Variants in TMEM134 observed in about 807,000 individuals in gnomAD.
TMEM134 encodes transmembrane protein 134.
TMEM134 carries 36 observed loss-of-function variants against 26.2 expected under a neutral mutation model. The ratio of observed to expected loss-of-function variants is 1.37; its 90% confidence interval spans 1.05 to 1.81. TMEM134 has a LOEUF of 1.81. TMEM134 is among the 40% of genes most tolerant of loss of function. TMEM134 has a pLI of 0.00. For synonymous variants in TMEM134, 133 were observed against 113.6 expected (o/e 1.17, Z -1.08); for missense variants, 339 against 263.5 (o/e 1.29, Z -1.98).
rs1388956160 is a variant in TMEM134, at chr11:67,464,397, AC to A, written c.*216del. ...CTTTTATTAGCACAAAATAACAGCAACCTAGCAGCCGCACGGCCCGAGAATA... is the reference window on the plus strand; with the variant it reads ...CTTTTATTAGCACAAAATAACAGCAACTAGCAGCCGCACGGCCCGAGAATA... On this transcript the variant is annotated 3_prime_UTR_variant, in exon 7 of 7. Coordinates refer to ENST00000308022, the MANE Select transcript of TMEM134 (RefSeq NM_025124.4). 1 of 606,732 alleles carries A rather than the reference AC, an allele frequency of 1.6e-6. No homozygotes were observed. The highest frequency in any genetic ancestry group is 2.9e-6 in the Non-Finnish European group (1 of 339,672). 37.6% of individuals were successfully genotyped at this position (606,732 alleles called of 1,614,324 possible).
At position 67,467,537 on chromosome 11, in the gene TMEM134, CTG is replaced by C. The variant is rs1367699002; in HGVS notation, c.291_292del (p.Ile97MetfsTer137). The C allele has an allele frequency of 1.6e-5, 26 of 1,613,978 alleles. No homozygotes were observed. Among genetic ancestry groups the C allele is most frequent in the Non-Finnish European group, 3.4e-6 (4 of 1,180,044 alleles). On this transcript the variant is annotated frameshift_variant, in exon 3 of 7. Transcript: ENST00000308022. LOFTEE classifies it high-confidence loss of function. ...GTTGTAGGAGCGCTGGGTGCTGCTG[CTG>C]ATGGTGCTGAAGGACCACTGGGAGC...
At chr11:67,466,999 G>T in intron 4 of TMEM134, 1 of 432,208 alleles carries the variant, frequency 2.3e-6, no homozygotes, top group Non-Finnish European at 4.2e-6. Context: ...GCCCAGAGTA[G>T]ACACAGAATA....
chr11:67,468,237 G>A, intron 1 of TMEM134, 145 bp from the exon 2 acceptor site: 1 of 724,654 alleles, frequency 1.4e-6, no homozygotes, highest in South Asian at 1.7e-5. Flanking sequence ...CCCGCAGAAC[G>A]GGTTTGGTGA....
rs1057216834 is a variant in TMEM134, at chr11:67,469,037, C to G, written c.156G>C (p.Gln52His). The change falls in exon 1 of 7, where the codon CAG becomes CAC. Residue 52 changes from glutamine (Q) to histidine (H), a missense_variant. Coordinates refer to ENST00000308022, the MANE Select transcript of TMEM134 (RefSeq NM_025124.4). Reference protein sequence around the residue: ...ARFEVADEDKQSRLRYQNLEN... With the variant: ...ARFEVADEDKHSRLRYQNLEN... The stretch of plus-strand genomic sequence containing the variant: ...GGTTCACCTGGTAGCGCAGCCGGGA[C>G]TGCTTGTCCTCGTCAGCCACCTCGA... 18 of 1,512,834 alleles carry G rather than the reference C, an allele frequency of 1.2e-5. No homozygotes were observed. The highest frequency in any genetic ancestry group is 1.5e-5 in the Non-Finnish European group (17 of 1,132,172). 93.7% of individuals were successfully genotyped at this position (1,512,834 alleles called of 1,614,324 possible). A position where few individuals can be genotyped will look rare whatever the true frequency, so the allele number is the denominator to read the frequency against.
intron 4 of TMEM134, chr11:67,467,005 G>A: frequency 2.2e-6 from 1 of 451,190 alleles, no homozygotes; most frequent in East Asian, 4.4e-5. Context: ...AGTAGACACA[G>A]AATAAATGGT....
rs757962667 is a variant in TMEM134 at position 67,464,838 on chromosome 11, A to T, written c.470T>A (p.Phe157Tyr). 5 of 1,610,370 alleles carry T rather than the reference A, an allele frequency of 3.1e-6. No individual in the cohort carries two copies. In the African/African-American group the frequency reaches 5.3e-5, roughly 17 times the overall value. The change falls in exon 6 of 7, where the codon TTC (phenylalanine) becomes TAC (tyrosine). Residue 157 changes from phenylalanine to tyrosine, a missense_variant. Phe to Tyr is a conservative substitution (Grantham distance 22). Coordinates refer to ENST00000308022, the MANE Select transcript of TMEM134 (RefSeq NM_025124.4). The stretch of plus-strand genomic sequence containing the variant: ...CAACAACAGGAAGCCCGGCACGAAG[A>T]AGATGGCGCTGGAGACACCTGCGGG... ...TPSPGVSSAI[F>Y]FVPGFLLLVP... is the part of the protein sequence containing the mutation.
chr11:67,467,069 A>G (rs1865300505), intron 4 of TMEM134: 2 of 582,448 alleles, frequency 3.4e-6, no homozygotes, highest in Middle Eastern at 4.5e-4. Context: ...TTTTTTAAAA[A>G]AGGAAAAGTC....
intron 5 of TMEM134, 47 bp from the exon 6 acceptor site, chr11:67,464,903 C>T (rs918208440): frequency 3.1e-6 from 5 of 1,601,214 alleles, no homozygotes; most frequent in Non-Finnish European, 4.3e-6. Context: ...GCGGAGGCTT[C>T]GAGGCCTTCC....
At chr11:67,467,458 G>C (rs1865337161) in intron 3 of TMEM134, 43 bp downstream of exon 3, 1 of 1,611,766 alleles carries the variant, frequency 6.2e-7, no homozygotes, top group African/African-American at 1.3e-5. Flanking sequence ...TGTGGGGGTG[G>C]AGCCAGGGCT....
rs1363798742 is a variant in TMEM134 at position 67,467,395 on chromosome 11, G to A, written c.330-7C>T. 3 of 1,613,778 alleles carry A rather than the reference G, an allele frequency of 1.9e-6. No individual in the cohort carries two copies. Among genetic ancestry groups the A allele is most frequent in the East Asian group, 2.2e-5 (1 of 44,896 alleles). ...CAAAGGGTGTTGGGTCCAGCTGGGTGGCAGGAGAGCAGGGTGAATGTGAAG... is the reference window on the plus strand; with the variant it reads ...CAAAGGGTGTTGGGTCCAGCTGGGTAGCAGGAGAGCAGGGTGAATGTGAAG... On this transcript the variant is annotated splice_region_variant and splice_polypyrimidine_tract_variant and intron_variant, in intron 3 of 6. Transcript: ENST00000308022.
chr11:67,468,062 C>T lies in TMEM134; in HGVS notation c.205G>A (p.Ala69Thr). 1 of 1,564,248 alleles carries T rather than the reference C, an allele frequency of 6.4e-7. No individual in the cohort carries two copies. ...NLENDEDGAQ[A>T]SPEPDGGVGT... ...ACTCCCCCATCCGGCTCCGGAGAGG[C>T]CTGGGCTCCATCCTCATCGTTCTCC... The change falls in exon 2 of 7, where the codon GCC becomes ACC. Residue 69 changes from alanine to threonine, a missense_variant. Coordinates refer to ENST00000308022, the MANE Select transcript of TMEM134 (RefSeq NM_025124.4).
In TMEM134 at chr11:67,467,496, C is replaced by A. The variant is rs377288589; in HGVS notation, c.329+5G>T. ...TCGGCTGGGGGCTTAGGCGGGCAGG[C>A]TCACCTGCAGCAGGTGTTGTAGGAG... On this transcript the variant is annotated splice_donor_5th_base_variant and intron_variant, in intron 3 of 6. Coordinates refer to ENST00000308022, the MANE Select transcript of TMEM134 (RefSeq NM_025124.4). The A allele has an allele frequency of 1.5e-5, 25 of 1,613,732 alleles. No homozygotes were observed. Among genetic ancestry groups the A allele is most frequent in the Non-Finnish European group, 2.0e-5 (24 of 1,179,986 alleles).
intron 2 of TMEM134, 153 bp downstream of exon 2, chr11:67,467,875 G>A (rs1865373699): frequency 1.3e-6 from 1 of 768,082 alleles, no homozygotes; most frequent in Non-Finnish European, 2.1e-6. Context: ...ACCCTACAGT[G>A]TAGGAGACCC....
chr11:67,464,568 A>C lies in TMEM134; in HGVS notation c.*46T>G, dbSNP rs1865114709. ...TGAGATGAGGGGAACGGAACAGGGC[A>C]AGAGGGGCGCCCCCATGGGCGCAAG... On this transcript the variant is annotated 3_prime_UTR_variant, in exon 7 of 7. Coordinates refer to ENST00000308022, the MANE Select transcript of TMEM134 (RefSeq NM_025124.4). 6.5e-7 allele frequency: 1 copy of C among 1,539,656 alleles called. No individual in the cohort carries two copies. Among genetic ancestry groups the C allele is most frequent in the Non-Finnish European group, 8.8e-7 (1 of 1,136,302 alleles).
At position 67,463,389 on chromosome 11, in the gene TMEM134, G is replaced by C. The variant is rs1274841255; in HGVS notation, c.*1225C>G. 1 of 152,192 alleles carries C rather than the reference G, an allele frequency of 6.6e-6. No homozygotes were observed. The highest frequency in any genetic ancestry group is 1.5e-5 in the Non-Finnish European group (1 of 68,070). 9.4% of individuals were successfully genotyped at this position (152,192 alleles called of 1,614,324 possible). Reference sequence around the variant, plus strand: ...AGTGCCGGTTTCCTTCTCCCTCCCCGACAGTGTCATGGGAAGAGCCCTGGG... The same window carrying C: ...AGTGCCGGTTTCCTTCTCCCTCCCCCACAGTGTCATGGGAAGAGCCCTGGG... On this transcript the variant is annotated 3_prime_UTR_variant, in exon 7 of 7. Transcript: ENST00000308022.
Position 67,463,415 on chromosome 11 carries a change from C to T in TMEM134, c.*1199G>A, listed in dbSNP as rs1865074588. On this transcript the variant is annotated 3_prime_UTR_variant, in exon 7 of 7. Coordinates refer to ENST00000308022, the MANE Select transcript of TMEM134 (RefSeq NM_025124.4). ...ACAGTGTCATGGGAAGAGCCCTGGG[C>T]TACGTTCCTAATTCTACCTACCACC... The T allele has an allele frequency of 6.6e-6, 1 of 152,258 alleles. No individual in the cohort carries two copies. Among genetic ancestry groups the T allele is most frequent in the Non-Finnish European group, 1.5e-5 (1 of 68,096 alleles). The allele number at this position is 152,258 out of a possible 1,614,324, so 9.4% of individuals were successfully genotyped here.
chr11:67,466,984 A>C (rs947461097), intron 4 of TMEM134: 2 of 382,800 alleles, frequency 5.2e-6, no homozygotes, highest in African/African-American at 4.2e-5. Flanking sequence ...ACTGCCCTGC[A>C]CCTTGCCCAG....
At position 67,467,304 on chromosome 11, in the gene TMEM134, CCACT is replaced by C; in HGVS notation, c.406+4_406+7del. On this transcript the variant is annotated splice_donor_5th_base_variant and intron_variant, in intron 4 of 6. Coordinates refer to ENST00000308022, the MANE Select transcript of TMEM134 (RefSeq NM_025124.4). ...CCCCTCTTGACCCCAACCCTCAGGGCCACTCACCCAGCCCCAGCAGCAGGAGCAG... is the reference window on the plus strand; with the variant it reads ...CCCCTCTTGACCCCAACCCTCAGGGCCACCCAGCCCCAGCAGCAGGAGCAG... The C allele has an allele frequency of 6.2e-7, 1 of 1,613,478 alleles. No homozygotes were observed. The highest frequency in any genetic ancestry group is 8.5e-7 in the Non-Finnish European group (1 of 1,179,848).
At chr11:67,465,333 A>G in intron 4 of TMEM134, 1 of 1,227,848 alleles carries the variant, frequency 8.1e-7, no homozygotes, top group Non-Finnish European at 1.1e-6. Context: ...TCATTCAGCA[A>G]ACATTTATGG....
Sources: gnomAD v4.1 joint callset for allele counts on GRCh38, gnomAD v4.1.1 for gene constraint, MANE v1.5 for transcripts, NCBI Gene and HGNC (gene_info 2026-07-23, HGNC 2026-07-21) for gene names.